PARN: variants seen among roughly 807,000 people sequenced by gnomAD.
PARN encodes the protein poly(A)-specific ribonuclease.
PARN carries 71 observed loss-of-function variants against 102.8 expected under a neutral mutation model. The observed-to-expected ratio is 0.69, with a 90% CI of 0.57 to 0.84. The LOEUF (loss-of-function observed/expected upper bound fraction) is 0.84. PARN is among the 40% of genes least tolerant of loss of function. The pLI, the probability that PARN is intolerant of heterozygous loss-of-function variation, is 0.00. For missense variants in PARN, 782 were observed against 760.9 expected (o/e 1.03, Z -0.33); for synonymous variants, 261 against 252.9 (o/e 1.03, Z -0.30).
intron 17 of PARN, among the ~76,000 whole-genome samples, chr16:14,581,821 T>G (rs996933039): frequency 2.0e-5 from 3 of 152,210 alleles, no homozygotes; most frequent in African/African-American, 7.2e-5. Context: ...CTTGGGAGGC[T>G]GAGCCCAGGA....
rs191355116 is a variant in PARN, at chr16:14,525,882, G to A, written c.1480+26139C>T. Among the ~76,000 whole-genome samples, 16 of 152,156 alleles carry A rather than the reference G, an allele frequency of 1.1e-4. No homozygotes were observed. The East Asian group carries it at 1.7e-3, about 17-fold the overall frequency. On this transcript the variant is annotated intron_variant, in intron 21 of 23. Coordinates refer to ENST00000437198, the MANE Select transcript of PARN (RefSeq NM_002582.4). ...CCCAAACTGTAGTGTACAGTGGTGCGATCCTGGCTCACTGCAACCTCCACC... is the reference window on the plus strand; with the variant it reads ...CCCAAACTGTAGTGTACAGTGGTGCAATCCTGGCTCACTGCAACCTCCACC...
intron 22 of PARN, among the ~76,000 whole-genome samples, chr16:14,456,704 G>A (rs1215332188): frequency 6.6e-6 from 1 of 151,942 alleles, no homozygotes; most frequent in Non-Finnish European, 1.5e-5. Flanking sequence ...CAGCTGGGCA[G>A]GTGGCTCTGA....
Position 14,610,662 on chromosome 16 carries a change from T to G in PARN, c.536A>C (p.Lys179Thr). 6.2e-7 allele frequency: 1 copy of G among 1,609,812 alleles called. No homozygotes were observed. The highest frequency in any genetic ancestry group is 8.5e-7 in the Non-Finnish European group (1 of 1,176,190). The change falls in exon 7 of 24, where the codon AAG becomes ACG. Residue 179 changes from lysine to threonine, a missense_variant. Coordinates refer to ENST00000437198, the MANE Select transcript of PARN (RefSeq NM_002582.4). ...AACTTACACCACTTGGTCAATAAAC[T>G]TCTTTTGATCCTCAGGAATCGTGAC... is the stretch of plus-strand genomic sequence containing the variant. ...CPVTIPEDQK[K>T]FIDQVVEKIE...
At chr16:14,615,701 G>C (rs1313288898) in intron 6 of PARN, among the ~76,000 whole-genome samples, 1 of 152,080 alleles carries the variant, frequency 6.6e-6, no homozygotes, top group African/African-American at 2.4e-5. Context: ...AGGAGTTCAA[G>C]ACCAGCCCAG....
At position 14,523,224 on chromosome 16, in the gene PARN, TACACACACAC is replaced by T. The variant is rs35250440; in HGVS notation, c.1480+28787_1480+28796del. Among the ~76,000 whole-genome samples the T allele has an allele frequency of 9.4e-4, 136 of 144,230 alleles. No homozygotes were observed. The Middle Eastern group carries it at 0.011, about 11-fold the overall frequency. 94.6% of individuals were successfully genotyped at this position (144,230 alleles called of 152,430 possible). A position where few individuals can be genotyped will look rare whatever the true frequency, so the allele number is the denominator to read the frequency against. Reference sequence around the variant, plus strand: ...AGAATTATAAAGAAAAACTAACAAGTACACACACACACACACACACACACACACACACAAA... The same window carrying T: ...AGAATTATAAAGAAAAACTAACAAGTACACACACACACACACACACACAAA... On this transcript the variant is annotated intron_variant, in intron 21 of 23. Coordinates refer to ENST00000437198, the MANE Select transcript of PARN (RefSeq NM_002582.4).
intron 6 of PARN, among the ~76,000 whole-genome samples, chr16:14,614,859 A>G (rs1971783583): frequency 7.2e-6 from 1 of 139,402 alleles, no homozygotes; most frequent in Admixed American, 7.1e-5. Context: ...AAAAAAAAAA[A>G]AAAAAAAAAA....
chr16:14,505,877 A>G (rs574672040), intron 21 of PARN, among the ~76,000 whole-genome samples: 2 of 152,356 alleles, frequency 1.3e-5, no homozygotes, highest in South Asian at 4.1e-4. Context: ...TTTTTTAAAA[A>G]AATCATCAAT....
chr16:14,486,367 TC>T lies in PARN; in HGVS notation c.1481-3541del, dbSNP rs1324618241. On this transcript the variant is annotated intron_variant, in intron 21 of 23. Coordinates refer to ENST00000437198, the MANE Select transcript of PARN (RefSeq NM_002582.4). ...GCTTGGGCAACACAGCAAGACCCTA[TC>T]TCGAAAAAAATCCTTCTCTCAAGTT... Among the ~76,000 whole-genome samples, 7 of 152,122 alleles carry T rather than the reference TC, an allele frequency of 4.6e-5. No individual in the cohort carries two copies. In the East Asian group the frequency reaches 1.4e-3, roughly 29 times the overall value.
chr16:14,441,496 A>G lies in PARN; in HGVS notation c.1865-4724T>C, dbSNP rs1960940856. Among the ~76,000 whole-genome samples the G allele has an allele frequency of 3.3e-5, 5 of 152,342 alleles. No homozygotes were observed. In the South Asian group the frequency reaches 1.0e-3, roughly 32 times the overall value. ...CCTCTTCCACAGAGTGGACATCCGT[A>G]CACAGGAAGGTCCTTTGGGAAGCTG... On this transcript the variant is annotated intron_variant, in intron 23 of 23. Coordinates refer to ENST00000437198, the MANE Select transcript of PARN (RefSeq NM_002582.4).
At chr16:14,447,883 G>C (rs1387324106) in intron 22 of PARN, among the ~76,000 whole-genome samples, 1 of 152,184 alleles carries the variant, frequency 6.6e-6, no homozygotes, top group Non-Finnish European at 1.5e-5. Context: ...AGGGTGGGAA[G>C]TGAGAGATAA....
intron 21 of PARN, among the ~76,000 whole-genome samples, chr16:14,526,641 C>T (rs1567348416): frequency 6.6e-6 from 1 of 152,180 alleles, no homozygotes; most frequent in Non-Finnish European, 1.5e-5. Context: ...GTGTAATCCA[C>T]AATAAGGAGA....
chr16:14,604,258 TTTTC>T (rs1283521713), intron 10 of PARN, 32 bp from the exon 11 acceptor site: 9 of 1,343,544 alleles, frequency 6.7e-6, no homozygotes, highest in Non-Finnish European at 7.2e-6. Flanking sequence ...TACAATTTTC[TTTTC>T]TTTTTCTTTT....
Position 14,608,302 on chromosome 16 carries a change from A to G in PARN, c.638T>C (p.Ile213Thr). ...TTACTTCCAGCTCAAAGTCTGATAA[A>G]TTAGTTTTCTTTGGAACCTATAAAA... The part of the protein sequence containing the change: ...EPCTGFQRKL[I>T]YQTLSWKYPK... The change falls in exon 9 of 24, where the codon ATT (isoleucine) becomes ACT (threonine). Residue 213 changes from isoleucine to threonine, a missense_variant. Transcript: ENST00000437198. 6.5e-7 allele frequency: 1 copy of G among 1,541,848 alleles called. No individual in the cohort carries two copies. Among genetic ancestry groups the G allele is most frequent in the Non-Finnish European group, 8.8e-7 (1 of 1,139,722 alleles).
chr16:14,539,106 G>A (rs904015342), intron 21 of PARN, among the ~76,000 whole-genome samples: 1 of 152,146 alleles, frequency 6.6e-6, no homozygotes, highest in Non-Finnish European at 1.5e-5. Flanking sequence ...CACAATAAAT[G>A]TAATGTGCTT....
intron 21 of PARN, among the ~76,000 whole-genome samples, chr16:14,522,304 C>A (rs1047618146): frequency 7.2e-5 from 11 of 152,150 alleles, no homozygotes; most frequent in African/African-American, 2.7e-4. Context: ...GAGCCTCTTC[C>A]CACTAGGAAT....
chr16:14,508,192 A>G (rs1468193899), intron 21 of PARN, among the ~76,000 whole-genome samples: 3 of 144,636 alleles, frequency 2.1e-5, no homozygotes, highest in South Asian at 2.1e-4. Flanking sequence ...AGGCAGGCAG[A>G]TAGATAGATA....
chr16:14,553,869 G>A (rs940195933), intron 20 of PARN, among the ~76,000 whole-genome samples, 196 bp downstream of exon 20: 15 of 152,132 alleles, frequency 9.9e-5, no homozygotes, highest in Non-Finnish European at 1.5e-5. Flanking sequence ...TGTATTGTGA[G>A]GTGCTATTAA....
intron 21 of PARN, among the ~76,000 whole-genome samples, chr16:14,547,092 CAAAA>C (rs753738742): frequency 1.1e-5 from 1 of 91,578 alleles, no homozygotes; most frequent in Non-Finnish European, 2.4e-5. Flanking sequence ...GACCCTGTCT[CAAAA>C]AAAAAAAAAA....
intron 20 of PARN, 86 bp from the exon 21 acceptor site, chr16:14,552,181 A>G (rs1270061126): frequency 2.1e-5 from 17 of 813,772 alleles, no homozygotes; most frequent in Non-Finnish European, 3.5e-5. Context: ...ATATTTCAGT[A>G]TAGTCTATCT....
Sources: gnomAD v4.1 joint callset for allele counts (sites outside exome capture counted in the v4.1 genomes callset) on GRCh38, gnomAD v4.1.1 for gene constraint, MANE v1.5 for transcripts, NCBI Gene and HGNC (gene_info 2026-07-23, HGNC 2026-07-21) for gene names.